Variants in CTNNA2 observed in about 807,000 individuals in gnomAD.
The protein encoded by CTNNA2 is catenin alpha 2, also known as catenin alpha-2.
A neutral mutation model predicts 101.0 loss-of-function variants in CTNNA2; 42 were observed. That is an observed-to-expected ratio of 0.42 (90% CI 0.32 to 0.54). CTNNA2 has a LOEUF of 0.54. Ranked by LOEUF, CTNNA2 falls within the 20% of genes least tolerant of loss-of-function variation. CTNNA2 has a pLI of 0.14. For synonymous variants in CTNNA2, 450 were observed against 456.4 expected (o/e 0.99, Z 0.18); for missense variants, 871 against 1,223.1 (o/e 0.71, Z 4.29).
chr2:80,561,155 G>T (rs1358789485), intron 12 of CTNNA2, among the ~76,000 whole-genome samples: 7 of 152,082 alleles, frequency 4.6e-5, no homozygotes, highest in Admixed American at 2.6e-4. Context: ...TGGGGGACTG[G>T]AGTATGAGAT....
chr2:80,394,461 C>CT (rs1677816201), intron 8 of CTNNA2, among the ~76,000 whole-genome samples: 1 of 152,156 alleles, frequency 6.6e-6, no homozygotes, highest in Admixed American at 6.5e-5. Context: ...GAAACATTCC[C>CT]TTTTACTTTA....
intron 6 of CTNNA2, among the ~76,000 whole-genome samples, chr2:79,898,054 G>A (rs1684833138): frequency 6.6e-6 from 1 of 152,176 alleles, no homozygotes; most frequent in Non-Finnish European, 1.5e-5. Context: ...GGTGACACAT[G>A]TAAACCATAT....
chr2:80,072,409 G>T (rs1001160995), intron 7 of CTNNA2, among the ~76,000 whole-genome samples: 1 of 151,412 alleles, frequency 6.6e-6, no homozygotes, highest in African/African-American at 2.4e-5. Context: ...GATTTCTGTA[G>T]CACTTAAGCT....
intron 3 of CTNNA2, among the ~76,000 whole-genome samples, chr2:79,772,996 G>T (rs1673702817): frequency 2.0e-5 from 3 of 152,164 alleles, no homozygotes; most frequent in Non-Finnish European, 4.4e-5. Context: ...GGATTAGATA[G>T]GTTTAGGGCT....
intron 7 of CTNNA2, among the ~76,000 whole-genome samples, chr2:80,192,634 C>T (rs1181093401): frequency 1.3e-5 from 2 of 152,124 alleles, no homozygotes; most frequent in African/African-American, 4.8e-5. Flanking sequence ...TCAAGCGATT[C>T]TCCTGCCTCA....
Position 80,545,088 on chromosome 2 carries a change from A to G in CTNNA2, c.1383+14A>G, listed in dbSNP as rs749559129. The stretch of plus-strand genomic sequence containing the variant: ...CTGTGTCCCCAGGTAAGCCTCATTC[A>G]CTTTGTTTCAAAAGCCTGTCAGTGA... On this transcript the variant is annotated intron_variant, in intron 10 of 18. Transcript: ENST00000402739. 6.2e-6 allele frequency: 10 copies of G among 1,612,488 alleles called. No homozygotes were observed. Among genetic ancestry groups the G allele is most frequent in the Non-Finnish European group, 8.5e-6 (10 of 1,179,322 alleles).
intron 9 of CTNNA2, among the ~76,000 whole-genome samples, chr2:80,529,381 ATC>A (rs916363669): frequency 7.9e-5 from 12 of 152,222 alleles, no homozygotes; most frequent in African/African-American, 2.2e-4. Flanking sequence ...GGAAAAGTAT[ATC>A]TATGTGTACA....
chr2:80,130,506 C>A (rs1354121745), intron 7 of CTNNA2, among the ~76,000 whole-genome samples: 1 of 152,088 alleles, frequency 6.6e-6, no homozygotes, highest in African/African-American at 2.4e-5. Context: ...ATTTGTATAT[C>A]AGTGAGAGAA....
intron 7 of CTNNA2, among the ~76,000 whole-genome samples, chr2:80,220,295 T>C (rs1708503344): frequency 6.6e-6 from 1 of 152,246 alleles, no homozygotes; most frequent in Admixed American, 6.5e-5. Context: ...CTGAATATTT[T>C]TGACACACTC....
chr2:79,371,332 A>G (rs1053104972), intron 3 of CTNNA2, among the ~76,000 whole-genome samples: 1 of 151,996 alleles, frequency 6.6e-6, no homozygotes, highest in Non-Finnish European at 1.5e-5. Context: ...GAGCAGGCAA[A>G]TGCACCGCAG....
intron 7 of CTNNA2, among the ~76,000 whole-genome samples, chr2:80,033,888 G>T (rs1391683295): frequency 6.8e-6 from 1 of 146,518 alleles, no homozygotes; most frequent in Non-Finnish European, 1.5e-5. Context: ...GTAGCAGTCT[G>T]CAACAAAAAC....
chr2:80,590,107 G>T (rs1696334782), intron 15 of CTNNA2, among the ~76,000 whole-genome samples: 1 of 152,212 alleles, frequency 6.6e-6, no homozygotes, highest in East Asian at 1.9e-4. Context: ...CAAGTGACCA[G>T]TCAGAATTTT....
rs375582101 is a variant in CTNNA2, at chr2:79,336,634, G to T, written c.-318+23838G>T. ...TATAGTACATTTGTGGTGGTGTTTTGTTGGATGCCCCATCTTCTCTCACCT... is the reference window on the plus strand; with the variant it reads ...TATAGTACATTTGTGGTGGTGTTTTTTTGGATGCCCCATCTTCTCTCACCT... On this transcript the variant is annotated intron_variant, in intron 3 of 21. Transcript: ENST00000466387. Among the ~76,000 whole-genome samples the T allele has an allele frequency of 2.4e-4, 36 of 152,196 alleles. No homozygotes were observed. In the East Asian group the frequency reaches 7.0e-3, roughly 30 times the overall value.
intron 3 of CTNNA2, among the ~76,000 whole-genome samples, chr2:79,345,695 G>A (rs760795939): frequency 6.6e-6 from 1 of 151,866 alleles, no homozygotes; most frequent in African/African-American, 2.4e-5. Context: ...TTTTTTGTGG[G>A]TTGTTTGTCT....
chr2:80,218,946 C>T (rs1708421662), intron 7 of CTNNA2, among the ~76,000 whole-genome samples: 1 of 152,058 alleles, frequency 6.6e-6, no homozygotes, highest in South Asian at 2.1e-4. Context: ...CACATTAAAA[C>T]CTCAATTTAA....
At chr2:79,845,389 T>C (rs908319737) in intron 3 of CTNNA2, among the ~76,000 whole-genome samples, 1 of 151,996 alleles carries the variant, frequency 6.6e-6, no homozygotes, top group Non-Finnish European at 1.5e-5. Flanking sequence ...AATAAAAGGA[T>C]GAATGAAATG....
intron 7 of CTNNA2, among the ~76,000 whole-genome samples, chr2:80,316,512 T>C (rs1678139001): frequency 6.6e-6 from 1 of 152,216 alleles, no homozygotes; most frequent in Admixed American, 6.5e-5. Context: ...TCTTTAAGAT[T>C]TTATACAATT....
At position 79,308,319 on chromosome 2, in the gene CTNNA2, TAC is replaced by T. The variant is rs1315175412; in HGVS notation, c.-405-4388_-405-4387del. Among the ~76,000 whole-genome samples the T allele has an allele frequency of 2.0e-5, 3 of 152,286 alleles. No homozygotes were observed. In the East Asian group the frequency reaches 5.8e-4, roughly 29 times the overall value. On this transcript the variant is annotated intron_variant, in intron 2 of 21. Coordinates refer to the CTNNA2 transcript ENST00000466387. ...CCTCAGCCCCCCAAATTTCTGGGATTACAGTCATGAGCCACAGCGCCCAGCCC... is the reference window on the plus strand; with the variant it reads ...CCTCAGCCCCCCAAATTTCTGGGATTAGTCATGAGCCACAGCGCCCAGCCC...
chr2:79,498,164 G>T (rs1671279281), intron 4 of CTNNA2: 1 of 152,230 alleles, frequency 6.6e-6, no homozygotes, highest in Non-Finnish European at 1.5e-5. Flanking sequence ...ACCTGAAAGA[G>T]AAATGAGATC....
Sources: gnomAD v4.1 joint callset for allele counts (sites outside exome capture counted in the v4.1 genomes callset) on GRCh38, gnomAD v4.1.1 for gene constraint, MANE v1.5 for transcripts, NCBI Gene and HGNC (gene_info 2026-07-23, HGNC 2026-07-21) for gene names.